The following CALN1 variants were observed in gnomAD, a reference collection of about 807,000 sequenced individuals.
CALN1 encodes calcium-binding protein 8.
In CALN1, 17 loss-of-function variants were observed where a neutral mutation model predicts 30.6. The ratio of observed to expected loss-of-function variants is 0.56; its 90% CI spans 0.38 to 0.83. CALN1 has a LOEUF of 0.83. CALN1 is among the 40% of genes least tolerant of loss of function. The pLI is 0.00. For missense variants in CALN1, 291 were observed against 354.9 expected (o/e 0.82, Z 1.45); for synonymous variants, 156 against 131.4 (o/e 1.19, Z -1.28).
the CALN1 span, among the ~76,000 whole-genome samples, chr7:72,458,245 T>G: frequency 7.8e-5 from 8 of 102,442 alleles, 1 homozygote; most frequent in African/African-American, 2.8e-4. Flanking sequence ...CTATATTATA[T>G]AATATATTTT....
chr7:71,960,474 C>T (rs139004480), intron 5 of CALN1, among the ~76,000 whole-genome samples: 1 of 152,308 alleles, frequency 6.6e-6, no homozygotes, highest in Non-Finnish European at 1.5e-5. Context: ...GTAGCTTCCA[C>T]TTCCATCCGT....
At chr7:72,116,252 C>A (rs1179476287) in intron 3 of CALN1, among the ~76,000 whole-genome samples, 1 of 152,108 alleles carries the variant, frequency 6.6e-6, no homozygotes, top group East Asian at 1.9e-4. Context: ...GCACTTCCTG[C>A]TTTTGTTTGT....
intron 2 of CALN1, among the ~76,000 whole-genome samples, chr7:72,401,254 T>C (rs1806320096): frequency 6.6e-6 from 1 of 152,080 alleles, no homozygotes; most frequent in Admixed American, 6.6e-5. Context: ...GAGATAACAT[T>C]ACTGCTGAAC....
chr7:72,170,613 G>C (rs1183775572), intron 3 of CALN1, among the ~76,000 whole-genome samples: 2 of 152,192 alleles, frequency 1.3e-5, no homozygotes, highest in Non-Finnish European at 2.9e-5. Context: ...CACATAAAGA[G>C]AGTCCTACAT....
chr7:72,449,828 T>C (rs754324677), upstream of CALN1, among the ~76,000 whole-genome samples: 36 of 132,554 alleles, frequency 2.7e-4, no homozygotes, highest in Non-Finnish European at 5.2e-4. Flanking sequence ...TGAGCCAAGA[T>C]TGCACCACTG....
rs531058497 is a variant in CALN1, at chr7:72,286,206, A to G, written c.120-7396T>C. Among the ~76,000 whole-genome samples the G allele has an allele frequency of 6.6e-5, 10 of 152,000 alleles. No individual in the cohort carries two copies. The South Asian group carries it at 1.9e-3, about 28-fold the overall frequency. On this transcript the variant is annotated intron_variant, in intron 2 of 6. Transcript: ENST00000395275. ...TTCAGGGACTTAGGGATGACCAACC[A>G]TAACAGCAGGCAATCACCCTTCTGA...
intron 5 of CALN1, among the ~76,000 whole-genome samples, chr7:71,998,563 G>C (rs868649198): frequency 1.1e-4 from 16 of 149,984 alleles, no homozygotes; most frequent in African/African-American, 4.0e-4. Context: ...AAAACTATAC[G>C]AACAGATATA....
chr7:72,378,668 T>A (rs1804708183), intron 2 of CALN1, among the ~76,000 whole-genome samples: 2 of 135,920 alleles, frequency 1.5e-5, no homozygotes, highest in South Asian at 5.3e-4. Context: ...ATGTTATAAT[T>A]TTTATTTCCA....
intron 1 of CALN1, among the ~76,000 whole-genome samples, chr7:72,421,835 G>C (rs531409589): frequency 2.2e-4 from 34 of 152,104 alleles, no homozygotes; most frequent in African/African-American, 8.2e-4. Flanking sequence ...TGATCTGCCA[G>C]CCTCAGTCTC....
intron 5 of CALN1, among the ~76,000 whole-genome samples, chr7:71,849,433 C>T: frequency 1.0e-5 from 1 of 99,626 alleles, no homozygotes; most frequent in African/African-American, 4.0e-5. Context: ...CTTGGATCTT[C>T]CTATTTTTTT....
chr7:72,498,952 G>C, the CALN1 span, among the ~76,000 whole-genome samples: 1 of 151,908 alleles, frequency 6.6e-6, no homozygotes, highest in Non-Finnish European at 1.5e-5. Context: ...GCAAATAATT[G>C]TTCCTTGGAA....
intron 2 of CALN1, among the ~76,000 whole-genome samples, chr7:72,303,572 GAAA>G (rs58009615): frequency 7.3e-6 from 1 of 137,762 alleles, no homozygotes; most frequent in African/African-American, 2.6e-5. Flanking sequence ...AAAAGAAAAA[GAAA>G]AAAAAAAAAG....
intron 4 of CALN1, among the ~76,000 whole-genome samples, chr7:72,051,333 G>T (rs1296256191): frequency 6.6e-6 from 1 of 151,998 alleles, no homozygotes; most frequent in Non-Finnish European, 1.5e-5. Flanking sequence ...ACTGTACTTT[G>T]TATAACCAAA....
At chr7:72,438,876 T>C (rs1170310073) in intron 1 of CALN1, among the ~76,000 whole-genome samples, 2 of 152,216 alleles carry the variant, frequency 1.3e-5, no homozygotes, top group Admixed American at 6.5e-5. Flanking sequence ...TAAATTTGCA[T>C]GCTATCCAAA....
chr7:72,493,167 C>G, the CALN1 span, among the ~76,000 whole-genome samples: 11 of 152,084 alleles, frequency 7.2e-5, no homozygotes, highest in African/African-American at 2.4e-4. Context: ...CCCACCACCT[C>G]CCCGGGTCTC....
chr7:72,105,784 GA>G (rs1807051470), intron 4 of CALN1, among the ~76,000 whole-genome samples: 1 of 98,344 alleles, frequency 1.0e-5, no homozygotes, highest in Non-Finnish European at 1.9e-5. Flanking sequence ...GGAGGAGGAG[GA>G]GGGGGGAGGG....
chr7:72,335,356 C>G (rs1473209998), intron 2 of CALN1, among the ~76,000 whole-genome samples: 1 of 152,214 alleles, frequency 6.6e-6, no homozygotes, highest in Non-Finnish European at 1.5e-5. Flanking sequence ...GTTAAAGAAG[C>G]AGAACCTGAA....
rs369139518 is a variant in CALN1 at position 72,033,689 on chromosome 7, T to A, written c.389-9920A>T. ...ACCACCCTTCATGCTGGATAGAGGATCCCCATAGGAAGAGAGCAGGACAAG... is the reference window on the plus strand; with the variant it reads ...ACCACCCTTCATGCTGGATAGAGGAACCCCATAGGAAGAGAGCAGGACAAG... On this transcript the variant is annotated intron_variant, in intron 4 of 6. Transcript: ENST00000395275. 1.7e-4 allele frequency among the ~76,000 whole-genome samples: 26 copies of A among 152,054 alleles called. No individual in the cohort carries two copies. The East Asian group carries it at 1.9e-3, about 11-fold the overall frequency.
intron 3 of CALN1, among the ~76,000 whole-genome samples, chr7:72,196,493 C>G (rs911124122): frequency 3.9e-5 from 6 of 151,900 alleles, no homozygotes; most frequent in African/African-American, 1.5e-4. Context: ...CGGGATTGTA[C>G]AAAAAGTCAT....
Sources: allele counts gnomAD v4.1 joint callset (sites outside exome capture counted in the v4.1 genomes callset), GRCh38; gene constraint gnomAD v4.1.1; transcripts MANE v1.5; gene names NCBI Gene and HGNC (gene_info 2026-07-23, HGNC 2026-07-21).